GALNT13: variants seen among roughly 807,000 people sequenced by gnomAD.
GALNT13 encodes UDP-GalNAc:polypeptide N-acetylgalactosaminyltransferase 13.
In GALNT13, 28 loss-of-function variants were observed where a neutral mutation model predicts 64.2. That is an observed-to-expected ratio of 0.44 (90% CI 0.32 to 0.60). The LOEUF is 0.60. Among genes scored for constraint, GALNT13 ranks in the 20% least tolerant of loss-of-function variants. The pLI is 0.05. For missense variants in GALNT13, 577 were observed against 669.8 expected (o/e 0.86, Z 1.53); for synonymous variants, 214 against 224.6 (o/e 0.95, Z 0.42).
At chr2:153,856,451 T>C in the GALNT13 span, among the ~76,000 whole-genome samples, 4 of 152,242 alleles carry the variant, frequency 2.6e-5, no homozygotes, top group East Asian at 7.7e-4. Flanking sequence ...ACAACCAACA[T>C]TAAAACGTGG....
At chr2:153,885,199 TA>T (rs1687089681) in intron 1 of GALNT13, among the ~76,000 whole-genome samples, 1 of 152,062 alleles carries the variant, frequency 6.6e-6, no homozygotes, top group African/African-American at 2.4e-5. Flanking sequence ...TTTCTAGGTA[TA>T]AAGCCTAAGA....
chr2:153,249,590 C>A, the GALNT13 span, among the ~76,000 whole-genome samples: 1 of 152,080 alleles, frequency 6.6e-6, no homozygotes, highest in East Asian at 1.9e-4. Context: ...GCAAAAAGAA[C>A]AAAACTGGAG....
chr2:153,889,115 AT>A (rs1459635750), intron 1 of GALNT13, among the ~76,000 whole-genome samples: 1 of 150,988 alleles, frequency 6.6e-6, no homozygotes, highest in Non-Finnish European at 1.5e-5. Flanking sequence ...TTGATTTTTC[AT>A]TTTTCTAAGT....
the GALNT13 span, among the ~76,000 whole-genome samples, chr2:153,201,975 T>TTC: frequency 2.8e-3 from 163 of 57,622 alleles, 1 homozygote; most frequent in African/African-American, 0.028. Flanking sequence ...ACCCATTTCT[T>TTC]TTTTTTTTTT....
chr2:154,225,608 G>A (rs1230034525), intron 4 of GALNT13, among the ~76,000 whole-genome samples: 4 of 151,988 alleles, frequency 2.6e-5, no homozygotes, highest in Non-Finnish European at 5.9e-5. Context: ...AAACTTCTTC[G>A]CCCTCTTGAA....
At chr2:153,664,494 G>A in the GALNT13 span, among the ~76,000 whole-genome samples, 1 of 152,216 alleles carries the variant, frequency 6.6e-6, no homozygotes. Flanking sequence ...AACAATTTGT[G>A]CAGTTAACGC....
intron 3 of GALNT13, among the ~76,000 whole-genome samples, chr2:154,005,116 C>T (rs10185354): frequency 0.53 from 80,092 of 151,804 alleles, 22,376 homozygotes; most frequent in East Asian, 0.95. Flanking sequence ...ACATATGTTT[C>T]GAATTTTGTC....
At chr2:153,628,823 TC>T in the GALNT13 span, among the ~76,000 whole-genome samples, 1 of 152,168 alleles carries the variant, frequency 6.6e-6, no homozygotes, top group East Asian at 1.9e-4. Context: ...TTGTTGTGTC[TC>T]TGCCTGGCTT....
the GALNT13 span, among the ~76,000 whole-genome samples, chr2:153,219,987 A>G: frequency 6.6e-6 from 1 of 152,222 alleles, no homozygotes; most frequent in Non-Finnish European, 1.5e-5. Flanking sequence ...AAACTTGGGA[A>G]AGTCACTTAC....
intron 2 of GALNT13, among the ~76,000 whole-genome samples, chr2:153,937,575 G>A (rs993565164): frequency 2.0e-5 from 3 of 152,176 alleles, no homozygotes; most frequent in African/African-American, 7.2e-5. Context: ...CACACAATGT[G>A]TGACTATATT....
chr2:153,318,995 C>T, the GALNT13 span, among the ~76,000 whole-genome samples: 439 of 152,212 alleles, frequency 2.9e-3, 16 homozygotes, highest in East Asian at 0.08. Context: ...TTATCTTTAA[C>T]TCATTTCACA....
At position 154,150,006 on chromosome 2, in the gene GALNT13, C is replaced by A. The variant is rs756490778; in HGVS notation, c.311+9501C>A. Among the ~76,000 whole-genome samples the A allele has an allele frequency of 1.1e-4, 16 of 151,986 alleles. 1 individual carries two copies. The highest frequency in any genetic ancestry group is 4.2e-4 in the South Asian group (2 of 4,814). On this transcript the variant is annotated intron_variant, in intron 4 of 12. Transcript: ENST00000392825. ...AGAGAGGGCATCCCTGTCTTGTGCC[C>A]GTTTTCAAAGGGAATGCTTCCAGTT... is the stretch of plus-strand genomic sequence containing the variant.
At chr2:154,118,143 A>C (rs1319652566) in intron 3 of GALNT13, among the ~76,000 whole-genome samples, 6 of 152,114 alleles carry the variant, frequency 3.9e-5, no homozygotes, top group Non-Finnish European at 7.4e-5. Context: ...ATTGTGATCT[A>C]TCTCTCTTTT....
At chr2:153,138,187 T>C in the GALNT13 span, among the ~76,000 whole-genome samples, 1 of 152,108 alleles carries the variant, frequency 6.6e-6, no homozygotes, top group African/African-American at 2.4e-5. Context: ...GAATTCAAAC[T>C]TTCAGATTCT....
chr2:153,216,463 C>T, the GALNT13 span, among the ~76,000 whole-genome samples: 1 of 152,002 alleles, frequency 6.6e-6, no homozygotes, highest in African/African-American at 2.4e-5. Context: ...GCATCCTCAT[C>T]AGCATGTGGT....
the GALNT13 span, among the ~76,000 whole-genome samples, chr2:153,860,750 G>A: frequency 6.6e-6 from 1 of 152,156 alleles, no homozygotes; most frequent in African/African-American, 2.4e-5. Flanking sequence ...ATCTATTAGG[G>A]ATATTTCTAT....
intron 9 of GALNT13, among the ~76,000 whole-genome samples, chr2:154,323,814 T>G (rs997998777): frequency 6.6e-6 from 1 of 151,990 alleles, no homozygotes; most frequent in Non-Finnish European, 1.5e-5. Flanking sequence ...GCATACGTAT[T>G]CTTATGGACA....
chr2:153,383,336 T>G, the GALNT13 span, among the ~76,000 whole-genome samples: 56 of 152,200 alleles, frequency 3.7e-4, no homozygotes, highest in African/African-American at 1.3e-3. Flanking sequence ...TCAGAGGGCC[T>G]ATCTGTTGAA....
the GALNT13 span, among the ~76,000 whole-genome samples, chr2:153,134,050 C>T: frequency 2.0e-5 from 3 of 152,312 alleles, no homozygotes; most frequent in South Asian, 6.2e-4. Context: ...ATTCTTTTCA[C>T]AGCTCTCTCT....
Sources: allele counts gnomAD v4.1 joint callset (sites outside exome capture counted in the v4.1 genomes callset), GRCh38; gene constraint gnomAD v4.1.1; transcripts MANE v1.5; gene names NCBI Gene and HGNC (gene_info 2026-07-23, HGNC 2026-07-21).